PTPRQ: variants seen among roughly 807,000 people sequenced by gnomAD.
The protein encoded by PTPRQ is phosphatidylinositol phosphatase PTPRQ.
A neutral mutation model predicts 246.0 loss-of-function variants in PTPRQ; 199 were observed. That is an observed-to-expected ratio of 0.81 (90% CI 0.72 to 0.91). The LOEUF is 0.91. PTPRQ is among the 40% of genes least tolerant of loss of function. PTPRQ has a pLI of 0.00. For missense variants in PTPRQ, 2,624 were observed against 2,528.4 expected (o/e 1.04, Z -0.81); for synonymous variants, 869 against 853.2 (o/e 1.02, Z -0.32).
chr12:80,616,420 T>C (rs555212353), intron 30 of PTPRQ, among the ~76,000 whole-genome samples, 154 bp downstream of exon 30: 239 of 151,106 alleles, frequency 1.6e-3, no homozygotes, highest in Middle Eastern at 3.4e-3. Flanking sequence ...ATTAAAGCTA[T>C]AGTTAAAAAC....
intron 35 of PTPRQ, among the ~76,000 whole-genome samples, chr12:80,641,565 C>G (rs750376921): frequency 6.6e-6 from 1 of 152,182 alleles, no homozygotes; most frequent in East Asian, 1.9e-4. Flanking sequence ...TTCAGATTAA[C>G]TAGTTACCAA....
intron 26 of PTPRQ, among the ~76,000 whole-genome samples, chr12:80,588,893 G>A (rs879736545): frequency 6.6e-6 from 1 of 152,110 alleles, no homozygotes; most frequent in Non-Finnish European, 1.5e-5. Context: ...AACCCTGATT[G>A]ATCTGTCTGC....
intron 25 of PTPRQ, among the ~76,000 whole-genome samples, chr12:80,560,518 G>A (rs1463091432): frequency 6.6e-6 from 1 of 151,960 alleles, no homozygotes; most frequent in Non-Finnish European, 1.5e-5. Context: ...CTGTTATATG[G>A]CCACAAAATA....
chr12:80,609,288 G>A (rs1041188557), intron 27 of PTPRQ, among the ~76,000 whole-genome samples: 12 of 150,138 alleles, frequency 8.0e-5, no homozygotes, highest in East Asian at 3.9e-4. Context: ...TGTGTGTTTC[G>A]CCATATTATC....
At chr12:80,501,206 C>T (rs1273391396) in intron 14 of PTPRQ, among the ~76,000 whole-genome samples, 1 of 151,838 alleles carries the variant, frequency 6.6e-6, no homozygotes, top group Non-Finnish European at 1.5e-5. Flanking sequence ...TCTTAGGTGC[C>T]ATTCTAGGAA....
chr12:80,455,664 C>T (rs908766899), intron 3 of PTPRQ, among the ~76,000 whole-genome samples: 62 of 150,750 alleles, frequency 4.1e-4, no homozygotes, highest in Non-Finnish European at 8.0e-4. Context: ...GATCTCGGCT[C>T]ACTGCAAGCT....
intron 17 of PTPRQ, among the ~76,000 whole-genome samples, chr12:80,512,050 A>G (rs935020576): frequency 2.6e-5 from 4 of 152,234 alleles, no homozygotes; most frequent in African/African-American, 4.8e-5. Flanking sequence ...TTTGAGCTAC[A>G]TTTGGGAAGA....
intron 9 of PTPRQ, among the ~76,000 whole-genome samples, chr12:80,491,197 A>T (rs1427125369): frequency 6.6e-6 from 1 of 151,982 alleles, no homozygotes; most frequent in African/African-American, 2.4e-5. Context: ...CATGGGATAG[A>T]AAATATTGAG....
chr12:80,463,350 A>C (rs1345781583), intron 6 of PTPRQ, among the ~76,000 whole-genome samples: 1 of 152,256 alleles, frequency 6.6e-6, no homozygotes, highest in African/African-American at 2.4e-5. Context: ...AAACCCTCCA[A>C]GAAATACGGG....
intron 8 of PTPRQ, among the ~76,000 whole-genome samples, chr12:80,481,090 A>C (rs1160685941): frequency 6.6e-6 from 1 of 152,224 alleles, no homozygotes; most frequent in African/African-American, 2.4e-5. Context: ...ATTTTAGACC[A>C]ATATCCTTGA....
chr12:80,568,089 GAATTTGTGC>G (rs1897033000), intron 25 of PTPRQ, among the ~76,000 whole-genome samples: 1 of 152,114 alleles, frequency 6.6e-6, no homozygotes, highest in South Asian at 2.1e-4. Flanking sequence ...TATAGAAACT[GAATTTGTGC>G]AAAGTAATCC....
chr12:80,566,243 C>A (rs1338061896), intron 25 of PTPRQ, among the ~76,000 whole-genome samples: 1 of 151,880 alleles, frequency 6.6e-6, no homozygotes, highest in African/African-American at 2.4e-5. Context: ...TTTGGGAGGC[C>A]GAGGCAGGTG....
intron 6 of PTPRQ, 98 bp from the exon 7 acceptor site, chr12:80,468,612 T>C: frequency 8.2e-7 from 1 of 1,221,906 alleles, no homozygotes; most frequent in Non-Finnish European, 1.1e-6. Context: ...CGATATTTTA[T>C]TTTCCTTCTT....
chr12:80,571,237 C>T (rs564288550), intron 25 of PTPRQ, among the ~76,000 whole-genome samples: 72 of 152,236 alleles, frequency 4.7e-4, no homozygotes, highest in African/African-American at 1.7e-3. Context: ...CTCTGCCTCC[C>T]GGGTTCAAGT....
At position 80,652,766 on chromosome 12, in the gene PTPRQ, A is replaced by T. The variant is rs1353658393; in HGVS notation, c.6047A>T (p.Asp2016Val). The T allele has an allele frequency of 6.7e-7, 1 of 1,501,666 alleles. No homozygotes were observed. The highest frequency in any genetic ancestry group is 8.9e-7 in the Non-Finnish European group (1 of 1,127,716). The allele number at this position is 1,501,666 out of a possible 1,614,324, so 93.0% of individuals were successfully genotyped here. The change falls in exon 38 of 45, where the codon GAT becomes GTT. Residue 2016 changes from aspartate to valine, a missense_variant. Asp to Val is a radical substitution (Grantham distance 152). Coordinates refer to ENST00000644991, the MANE Select transcript of PTPRQ (RefSeq NM_001145026.2). ...EFSELPKFLQ[D>V]LSSTDADLPW... ...CAGGAATTACCAAAATTTCTTCAGG[A>T]TCTTTCTTCAACTGATGCTGATCTG...
intron 3 of PTPRQ, 64 bp from the exon 4 acceptor site, chr12:80,457,511 A>T (rs1052196251): frequency 7.5e-6 from 3 of 399,774 alleles, no homozygotes; most frequent in African/African-American, 6.2e-5. Context: ...TTTTGTTTTA[A>T]ATTTTAGATT....
At chr12:80,649,926 C>T in intron 37 of PTPRQ, among the ~76,000 whole-genome samples, 1 of 152,116 alleles carries the variant, frequency 6.6e-6, no homozygotes, top group Non-Finnish European at 1.5e-5. Context: ...ATGACCTTGT[C>T]TATTCTCTGC....
chr12:80,519,341 A>G (rs1016263964), intron 17 of PTPRQ, among the ~76,000 whole-genome samples: 11 of 152,174 alleles, frequency 7.2e-5, no homozygotes, highest in African/African-American at 2.7e-4. Flanking sequence ...ATTTCTTTGC[A>G]TGTCAGACTT....
chr12:80,474,285 T>C (rs1893744438), intron 8 of PTPRQ, among the ~76,000 whole-genome samples: 1 of 152,228 alleles, frequency 6.6e-6, no homozygotes, highest in African/African-American at 2.4e-5. Context: ...CTTAATTTAA[T>C]TTCTTCTCCA....
Sources: allele counts gnomAD v4.1 joint callset (sites outside exome capture counted in the v4.1 genomes callset), GRCh38; gene constraint gnomAD v4.1.1; transcripts MANE v1.5; gene names NCBI Gene and HGNC (gene_info 2026-07-23, HGNC 2026-07-21).